GALNT6: variants seen among roughly 807,000 people sequenced by gnomAD.
GALNT6 encodes GalNAc transferase 6.
Under a neutral mutation model 65.9 loss-of-function variants are expected in GALNT6, and 51 were observed. The ratio of observed to expected loss-of-function variants is 0.77; its 90% CI spans 0.62 to 0.98. GALNT6 has a LOEUF of 0.98. GALNT6 is among the 50% of genes least tolerant of loss of function. GALNT6 has a pLI of 0.00. For synonymous variants in GALNT6, 323 were observed against 315.1 expected (o/e 1.02, Z -0.26); for missense variants, 708 against 803.3 (o/e 0.88, Z 1.43).
intron 3 of GALNT6, among the ~76,000 whole-genome samples, chr12:51,378,711 G>A (rs1947544578): frequency 6.6e-6 from 1 of 152,200 alleles, no homozygotes; most frequent in Admixed American, 6.5e-5. Flanking sequence ...GGGGGCGTTA[G>A]AGGGAGGGGG....
At chr12:51,357,265 C>T (rs991606288) in intron 10 of GALNT6, 84 bp downstream of exon 10, 1 of 860,926 alleles carries the variant, frequency 1.2e-6, no homozygotes, top group Non-Finnish European at 2.0e-6. Flanking sequence ...TCCTCCCTCC[C>T]AGTCCTCAGG....
intron 6 of GALNT6, among the ~76,000 whole-genome samples, chr12:51,361,485 A>C (rs1469268493): frequency 6.6e-6 from 1 of 152,204 alleles, no homozygotes; most frequent in African/African-American, 2.4e-5. Flanking sequence ...AAGCTGATAA[A>C]AGGTGCTCCT....
At chr12:51,358,412 T>C in intron 8 of GALNT6, 151 bp from the exon 9 acceptor site, 1 of 819,374 alleles carries the variant, frequency 1.2e-6, no homozygotes, top group Non-Finnish European at 1.9e-6. Flanking sequence ...GCGATTCACC[T>C]GCCTCAGCCT....
chr12:51,379,115 C>T (rs1947568569), intron 3 of GALNT6, among the ~76,000 whole-genome samples, 176 bp downstream of exon 3: 3 of 152,258 alleles, frequency 2.0e-5, no homozygotes, highest in Admixed American at 2.0e-4. Flanking sequence ...TGAATCACAA[C>T]CCCTGGGATC....
At chr12:51,378,582 G>T (rs916784629) in intron 3 of GALNT6, among the ~76,000 whole-genome samples, 2 of 152,164 alleles carry the variant, frequency 1.3e-5, no homozygotes, top group Non-Finnish European at 2.9e-5. Flanking sequence ...GAAATCTGGG[G>T]ATGAGGGCTG....
chr12:51,370,295 A>G (rs921507362), intron 4 of GALNT6, among the ~76,000 whole-genome samples: 1 of 152,226 alleles, frequency 6.6e-6, no homozygotes, highest in Admixed American at 6.5e-5. Context: ...CTGTAATCTC[A>G]GCACTTTGGG....
chr12:51,375,565 T>G (rs1380966344), intron 4 of GALNT6, among the ~76,000 whole-genome samples: 1 of 151,960 alleles, frequency 6.6e-6, no homozygotes, highest in Non-Finnish European at 1.5e-5. Context: ...CTGCTCTTTT[T>G]TTTTTTTTTT....
At chr12:51,390,136 ATTTC>A (rs34438835) in intron 2 of GALNT6, among the ~76,000 whole-genome samples, 49 of 74,414 alleles carry the variant, frequency 6.6e-4, no homozygotes, top group South Asian at 4.3e-3. Flanking sequence ...ATCAAAGCAT[ATTTC>A]TTTCTTTCTT....
chr12:51,379,946 G>T, intron 2 of GALNT6, 62 bp from the exon 3 acceptor site: 2 of 717,352 alleles, frequency 2.8e-6, no homozygotes, highest in Non-Finnish European at 2.2e-6. Flanking sequence ...GGAGTCGGGT[G>T]CTTGGGGTTC....
intron 4 of GALNT6, among the ~76,000 whole-genome samples, chr12:51,373,876 T>A (rs1231909991): frequency 6.6e-6 from 1 of 152,194 alleles, no homozygotes; most frequent in African/African-American, 2.4e-5. Context: ...TATTTTTTTT[T>A]AGAGACTGGG....
At chr12:51,357,168 G>A (rs756083521) in intron 10 of GALNT6, among the ~76,000 whole-genome samples, 181 bp downstream of exon 10, 5 of 151,950 alleles carry the variant, frequency 3.3e-5, no homozygotes, top group Non-Finnish European at 5.9e-5. Context: ...CCGATGCCTC[G>A]TTCTCTCCGG....
chr12:51,386,684 G>C (rs943540842), intron 2 of GALNT6, among the ~76,000 whole-genome samples: 1 of 152,130 alleles, frequency 6.6e-6, no homozygotes, highest in East Asian at 1.9e-4. Context: ...CTCTTACCAC[G>C]GGCACAGGTG....
At position 51,379,820 on chromosome 12, in the gene GALNT6, G is replaced by C. The variant is rs956906011; in HGVS notation, c.-39C>G. ...GGGGCACCCCAGCTGCGTCAGCTCT[G>C]AGTCCTGAGCCCAACCCTGGAGATA... is the stretch of plus-strand genomic sequence containing the variant. On this transcript the variant is annotated 5_prime_UTR_variant, in exon 3 of 12. An upstream open reading frame in the 5' UTR gains an earlier in-frame stop. Coordinates refer to ENST00000356317, the MANE Select transcript of GALNT6 (RefSeq NM_007210.4). 1 of 1,564,332 alleles carries C rather than the reference G, an allele frequency of 6.4e-7. No individual in the cohort carries two copies. The highest frequency in any genetic ancestry group is 1.8e-5 in the Admixed American group (1 of 55,468).
chr12:51,378,113 CCT>C (rs1947522609), intron 3 of GALNT6, among the ~76,000 whole-genome samples: 1 of 152,170 alleles, frequency 6.6e-6, no homozygotes, highest in Admixed American at 6.5e-5. Context: ...AGAGAGATTC[CCT>C]GTCTTCCTCC....
intron 2 of GALNT6, among the ~76,000 whole-genome samples, 170 bp from the exon 3 acceptor site, chr12:51,380,054 C>A (rs1947612893): frequency 6.6e-6 from 1 of 152,218 alleles, no homozygotes; most frequent in Non-Finnish European, 1.5e-5. Flanking sequence ...AGACCGGAGG[C>A]AGTGTTTCTT....
In GALNT6 at chr12:51,364,286, C is replaced by T; in HGVS notation, c.884G>A (p.Ser295Asn). The change falls in exon 6 of 12, where the codon AGC (serine) becomes AAC (asparagine). Residue 295 changes from serine (S) to asparagine (N), a missense_variant. Ser to Asn is a conservative substitution (Grantham distance 46). Coordinates refer to ENST00000356317, the MANE Select transcript of GALNT6 (RefSeq NM_007210.4). ...RIAEDKTVVV[S>N]PDIVTIDLNT... ...AAGGTCGATGGTGACGATGTCTGGG[C>T]TCACCACCACTGTCTTGTCCTCAGC... 1 of 1,614,200 alleles carries T rather than the reference C, an allele frequency of 6.2e-7. No individual in the cohort carries two copies. The highest frequency in any genetic ancestry group is 1.6e-4 in the Middle Eastern group (1 of 6,062).
chr12:51,357,203 G>T, intron 10 of GALNT6, 146 bp downstream of exon 10: 1 of 609,422 alleles, frequency 1.6e-6, no homozygotes, highest in South Asian at 1.9e-5. Context: ...GACCTTGTGT[G>T]TGTTATGCCT....
rs1196647397 is a variant in GALNT6 at position 51,377,252 on chromosome 12, T to C, written c.607A>G (p.Thr203Ala). 3 of 1,613,878 alleles carry C rather than the reference T, an allele frequency of 1.9e-6. No homozygotes were observed. Among genetic ancestry groups the C allele is most frequent in the Admixed American group, 1.7e-5 (1 of 60,018 alleles). Residue 203 changes from threonine (T) to alanine (A), a missense_variant, in exon 4 of 12, where the codon ACC (threonine) becomes GCC (alanine). Thr to Ala is a moderately conservative substitution (Grantham distance 58). Transcript: ENST00000356317. ...LLRTVYSVLH[T>A]TPAILLKEII... ...TCCTTGAGCAAGATGGCAGGGGTGG[T>C]GTGTAGGACGCTGTACACTGTTCGC...
In GALNT6 at chr12:51,391,394, G is replaced by C. The variant is rs1346637024; in HGVS notation, c.-299C>G. 2.0e-5 allele frequency: 3 copies of C among 153,310 alleles called. No homozygotes were observed. The Admixed American group carries it at 2.0e-4, about 10-fold the overall frequency. 9.5% of individuals were successfully genotyped at this position (153,310 alleles called of 1,614,324 possible). On this transcript the variant is annotated 5_prime_UTR_variant, in exon 1 of 12. Coordinates refer to ENST00000356317, the MANE Select transcript of GALNT6 (RefSeq NM_007210.4). ...CAGGCCACCGCGACCAGCAGAGAGCGAAGGCAGGAGGGACCAGCCTGGCCC... is the reference window on the plus strand; with the variant it reads ...CAGGCCACCGCGACCAGCAGAGAGCCAAGGCAGGAGGGACCAGCCTGGCCC...
Sources: allele counts gnomAD v4.1 joint callset (sites outside exome capture counted in the v4.1 genomes callset), GRCh38; gene constraint gnomAD v4.1.1; transcripts MANE v1.5; gene names NCBI Gene and HGNC (gene_info 2026-07-23, HGNC 2026-07-21).